The following SLC44A5 variants were observed in gnomAD, a reference collection of about 807,000 sequenced individuals.
The protein encoded by SLC44A5 is solute carrier family 44 member 5.
SLC44A5 carries 57 observed loss-of-function variants against 101.8 expected under a neutral mutation model. The ratio of observed to expected loss-of-function variants is 0.56; its 90% confidence interval spans 0.45 to 0.70. The LOEUF (loss-of-function observed/expected upper bound fraction) is 0.70, where lower values mean the gene tolerates loss of function less well. Among genes scored for constraint, SLC44A5 ranks in the 30% least tolerant of loss-of-function variants. SLC44A5 has a pLI of 0.00. For synonymous variants in SLC44A5, 281 were observed against 290.9 expected, an observed-to-expected ratio of 0.97 and a Z score of 0.35; for missense variants, 737 against 853.1, an observed-to-expected ratio of 0.86 and a Z score of 1.70.
At chr1:75,384,775 C>T (rs1376210010) in intron 3 of SLC44A5, among the ~76,000 whole-genome samples, 1 of 143,956 alleles carries the variant, frequency 6.9e-6, no homozygotes, top group Non-Finnish European at 1.5e-5. Context: ...CACCACACCA[C>T]ACCTATTCCA....
At chr1:75,611,737 GT>G (rs1413799254), upstream of SLC44A5, among the ~76,000 whole-genome samples, 3 of 152,116 alleles carry the variant, frequency 2.0e-5, no homozygotes, top group Admixed American at 1.3e-4. Context: ...GAATGAGAAT[GT>G]TTCTCTTGGA....
intron 4 of SLC44A5, among the ~76,000 whole-genome samples, chr1:75,323,733 C>T (rs1039115932): frequency 6.6e-6 from 1 of 152,036 alleles, no homozygotes; most frequent in African/African-American, 2.4e-5. Flanking sequence ...CTTCTGCTAC[C>T]TTAGGTTTTG....
chr1:75,438,673 T>C (rs1288894571), intron 2 of SLC44A5, among the ~76,000 whole-genome samples: 1 of 152,122 alleles, frequency 6.6e-6, no homozygotes, highest in Non-Finnish European at 1.5e-5. Context: ...GAGGCTACAA[T>C]GGTCCAGGTT....
intron 3 of SLC44A5, among the ~76,000 whole-genome samples, chr1:75,359,551 T>A (rs953258684): frequency 1.3e-5 from 2 of 152,240 alleles, no homozygotes; most frequent in South Asian, 4.1e-4. Flanking sequence ...ATACCACATT[T>A]TCTTTATCCA....
chr1:75,666,191 T>C, the SLC44A5 span, among the ~76,000 whole-genome samples: 1 of 152,038 alleles, frequency 6.6e-6, no homozygotes, highest in African/African-American at 2.4e-5. Context: ...TGCAGCACTA[T>C]CACAATAGCA....
chr1:75,693,692 G>T, the SLC44A5 span, among the ~76,000 whole-genome samples: 1 of 152,108 alleles, frequency 6.6e-6, no homozygotes, highest in Non-Finnish European at 1.5e-5. Context: ...ACAGGTTCAG[G>T]AGATAAGGAG....
Position 75,276,490 on chromosome 1 carries a change from G to A in SLC44A5, c.176-1448C>T, listed in dbSNP as rs139313165. 4.8e-3 allele frequency among the ~76,000 whole-genome samples: 730 copies of A among 152,080 alleles called. 13 individuals carry two copies. The highest frequency in any genetic ancestry group is 0.047 in the South Asian group (226 of 4,814). On this transcript the variant is annotated intron_variant, in intron 5 of 23. Transcript: ENST00000370859. ...ATTATTAATTCAGAAATGAGCACCC[G>A]AAGCATTTAGATTGTTAGATTTTCC... is the stretch of plus-strand genomic sequence containing the variant.
At chr1:75,529,855 C>T (rs960153517) in intron 2 of SLC44A5, among the ~76,000 whole-genome samples, 2 of 152,238 alleles carry the variant, frequency 1.3e-5, no homozygotes, top group East Asian at 3.9e-4. Context: ...TCATTCCCTC[C>T]TTTTCAAAAT....
At chr1:75,362,458 G>A (rs1279841058) in intron 3 of SLC44A5, among the ~76,000 whole-genome samples, 1 of 151,836 alleles carries the variant, frequency 6.6e-6, no homozygotes, top group South Asian at 2.1e-4. Flanking sequence ...TGTTTCTGGG[G>A]CATCCCATAA....
At chr1:75,361,226 CTTATGTATATAAGA>C (rs1659467774) in intron 3 of SLC44A5, among the ~76,000 whole-genome samples, 1 of 152,036 alleles carries the variant, frequency 6.6e-6, no homozygotes, top group South Asian at 2.1e-4. Flanking sequence ...AGATTCCTAT[CTTATGTATATAAGA>C]TCATGTCATT....
At chr1:75,702,555 C>T in the SLC44A5 span, among the ~76,000 whole-genome samples, 4 of 152,042 alleles carry the variant, frequency 2.6e-5, no homozygotes, top group African/African-American at 9.7e-5. Flanking sequence ...CCATAAAAAC[C>T]CTAGAAGAAA....
chr1:75,590,716 G>A (rs532798164), intron 1 of SLC44A5, among the ~76,000 whole-genome samples: 1 of 152,276 alleles, frequency 6.6e-6, no homozygotes, highest in South Asian at 2.1e-4. Flanking sequence ...AGGTTCCTCT[G>A]CCTTTGGAAA....
the SLC44A5 span, among the ~76,000 whole-genome samples, chr1:75,674,891 TG>T: frequency 6.6e-6 from 1 of 152,206 alleles, no homozygotes; most frequent in Admixed American, 6.5e-5. Context: ...TGCTTGTTTT[TG>T]TCAGGTTTGT....
the SLC44A5 span, among the ~76,000 whole-genome samples, chr1:75,690,803 G>A: frequency 6.6e-6 from 1 of 151,998 alleles, no homozygotes; most frequent in Non-Finnish European, 1.5e-5. Flanking sequence ...TTTTTTCCAG[G>A]AATTTTCATG....
intron 1 of SLC44A5, among the ~76,000 whole-genome samples, chr1:75,592,235 A>C (rs994569505): frequency 3.9e-5 from 6 of 152,240 alleles, no homozygotes; most frequent in African/African-American, 1.4e-4. Flanking sequence ...CTAACAGTGA[A>C]CAATGCAAAA....
chr1:75,437,671 C>T (rs892309653), intron 2 of SLC44A5, among the ~76,000 whole-genome samples: 1 of 152,146 alleles, frequency 6.6e-6, no homozygotes, highest in Admixed American at 6.6e-5. Context: ...GGCATCACAG[C>T]GATGATAAAG....
intron 5 of SLC44A5, among the ~76,000 whole-genome samples, chr1:75,298,759 A>T (rs1478848552): frequency 6.6e-6 from 1 of 152,182 alleles, no homozygotes; most frequent in Non-Finnish European, 1.5e-5. Context: ...TGGAAATAAT[A>T]TTGTAAATTA....
intron 2 of SLC44A5, among the ~76,000 whole-genome samples, chr1:75,501,060 C>T (rs1376929896): frequency 6.6e-6 from 1 of 152,114 alleles, no homozygotes; most frequent in Non-Finnish European, 1.5e-5. Context: ...TTTCCTCATC[C>T]TATCGTATTT....
At chr1:75,350,619 G>T (rs1658572624) in intron 3 of SLC44A5, among the ~76,000 whole-genome samples, 2 of 151,418 alleles carry the variant, frequency 1.3e-5, no homozygotes, top group South Asian at 4.2e-4. Context: ...AACAGACTGG[G>T]CCTGGTGGCT....
Sources: allele counts gnomAD v4.1 joint callset (sites outside exome capture counted in the v4.1 genomes callset), GRCh38; gene constraint gnomAD v4.1.1; transcripts MANE v1.5; gene names NCBI Gene and HGNC (gene_info 2026-07-23, HGNC 2026-07-21).